The following DOCK3 variants were observed in gnomAD, a reference collection of about 807,000 sequenced individuals.
DOCK3 encodes dedicator of cytokinesis 3.
A neutral mutation model predicts 265.6 loss-of-function variants in DOCK3; 60 were observed. The observed-to-expected ratio is 0.23, with a 90% CI of 0.18 to 0.28. The LOEUF (loss-of-function observed/expected upper bound fraction) is 0.28. Among genes scored for constraint, DOCK3 ranks in the 10% least tolerant of loss-of-function variants. The pLI is 1.00. For synonymous variants in DOCK3, 881 were observed against 938.0 expected, an observed-to-expected ratio of 0.94 and a Z score of 1.11; for missense variants, 1,981 against 2,594.3, an observed-to-expected ratio of 0.76 and a Z score of 5.14.
At chr3:50,872,211 G>A (rs781405686) in intron 3 of DOCK3, among the ~76,000 whole-genome samples, 1 of 152,200 alleles carries the variant, frequency 6.6e-6, no homozygotes, top group Admixed American at 6.5e-5. Flanking sequence ...TATTCAGAGG[G>A]ACTTGGATGT....
chr3:51,326,615 T>C (rs2084142139), intron 32 of DOCK3, among the ~76,000 whole-genome samples: 1 of 150,012 alleles, frequency 6.7e-6, no homozygotes, highest in Non-Finnish European at 1.5e-5. Flanking sequence ...TTGTTGTTGT[T>C]GTTGTTGTTG....
chr3:50,761,536 A>G (rs2040529875), intron 1 of DOCK3, among the ~76,000 whole-genome samples: 1 of 152,010 alleles, frequency 6.6e-6, no homozygotes, highest in African/African-American at 2.4e-5. Context: ...CCTAGATTCC[A>G]CCTTTGGTGT....
intron 5 of DOCK3, among the ~76,000 whole-genome samples, chr3:51,060,117 C>T (rs2081358376): frequency 6.6e-6 from 1 of 151,802 alleles, no homozygotes; most frequent in Admixed American, 6.6e-5. Flanking sequence ...TGAACCTGCA[C>T]ATTGTGCACA....
At chr3:50,943,362 T>C (rs1211427749) in intron 5 of DOCK3, among the ~76,000 whole-genome samples, 4 of 152,094 alleles carry the variant, frequency 2.6e-5, no homozygotes. Context: ...TATGGTCCAA[T>C]TAAGACATTG....
intron 12 of DOCK3, among the ~76,000 whole-genome samples, chr3:51,165,079 C>T (rs1252368335): frequency 6.6e-6 from 1 of 151,594 alleles, no homozygotes; most frequent in Non-Finnish European, 1.5e-5. Context: ...GCTGGGACTA[C>T]AGGCACTCGC....
intron 3 of DOCK3, among the ~76,000 whole-genome samples, chr3:50,858,454 A>T (rs796745886): frequency 3.0e-3 from 405 of 133,888 alleles, no homozygotes; most frequent in Middle Eastern, 0.011. Flanking sequence ...ATAATAATAA[A>T]AATAAAATGT....
chr3:50,790,832 A>G (rs1461220400), intron 2 of DOCK3, among the ~76,000 whole-genome samples: 1 of 152,122 alleles, frequency 6.6e-6, no homozygotes, highest in Non-Finnish European at 1.5e-5. Flanking sequence ...GTGAGATGGT[A>G]TCTCATTGTG....
intron 5 of DOCK3, among the ~76,000 whole-genome samples, chr3:51,037,786 G>A (rs1456713665): frequency 6.6e-6 from 1 of 152,104 alleles, no homozygotes; most frequent in African/African-American, 2.4e-5. Context: ...ATCAGAAATA[G>A]ATTTCTGTTG....
chr3:51,263,983 C>A (rs1273175764), intron 23 of DOCK3, among the ~76,000 whole-genome samples: 1 of 151,972 alleles, frequency 6.6e-6, no homozygotes, highest in Non-Finnish European at 1.5e-5. Flanking sequence ...CTTTAACATC[C>A]CACTCTCAGT....
intron 12 of DOCK3, among the ~76,000 whole-genome samples, chr3:51,162,363 A>G (rs1265788249): frequency 4.6e-5 from 7 of 152,188 alleles, no homozygotes; most frequent in Admixed American, 1.3e-4. Flanking sequence ...TGTTCCTTTC[A>G]GAGTTGTATA....
At chr3:51,273,953 A>G (rs2080661021) in intron 24 of DOCK3, among the ~76,000 whole-genome samples, 1 of 152,212 alleles carries the variant, frequency 6.6e-6, no homozygotes, top group African/African-American at 2.4e-5. Context: ...AAGTAAATGT[A>G]TTATAGAAGA....
intron 10 of DOCK3, among the ~76,000 whole-genome samples, chr3:51,153,483 C>G (rs2085708151): frequency 6.6e-6 from 1 of 152,220 alleles, no homozygotes; most frequent in South Asian, 2.1e-4. Flanking sequence ...ATGCCCCACA[C>G]TGCTTCGGCT....
chr3:51,044,224 A>G (rs1175047266), intron 5 of DOCK3, among the ~76,000 whole-genome samples: 1 of 152,206 alleles, frequency 6.6e-6, no homozygotes, highest in Non-Finnish European at 1.5e-5. Context: ...TGGTGCATAT[A>G]TACCGTGGAA....
In DOCK3 at chr3:51,341,335, C is replaced by T. The variant is rs747448962; in HGVS notation, c.3865C>T (p.Arg1289Trp). The change falls in exon 38 of 53, where the codon CGG (arginine) becomes TGG (tryptophan). Residue 1289 changes from arginine (R) to tryptophan (W), a missense_variant. By Grantham distance (101) the Arg-to-Trp change is moderately radical. This residue lies in a region of DOCK3 where 1,357 missense variants were observed against 1,866.8 expected (regional missense o/e 0.73). Coordinates refer to ENST00000266037, the MANE Select transcript of DOCK3 (RefSeq NM_004947.5). ...CTACCCATCGCAGACAGAGTGGCAG[C>T]GGAAGGAGGGACTGTGCCGGAAGAT... ...LHYPSQTEWQRKEGLCRKIIH... is the reference protein window; with the variant it reads ...LHYPSQTEWQWKEGLCRKIIH... The T allele has an allele frequency of 1.9e-6, 3 of 1,613,324 alleles. No individual in the cohort carries two copies. Among genetic ancestry groups the T allele is most frequent in the Non-Finnish European group, 1.7e-6 (2 of 1,179,706 alleles).
chr3:51,169,740 A>C (rs945240060), intron 12 of DOCK3, among the ~76,000 whole-genome samples: 2 of 152,016 alleles, frequency 1.3e-5, no homozygotes, highest in African/African-American at 4.8e-5. Flanking sequence ...ACCTAAAATA[A>C]AAGTTAAAAA....
At chr3:50,945,658 C>T (rs1051873477) in intron 5 of DOCK3, among the ~76,000 whole-genome samples, 4 of 151,994 alleles carry the variant, frequency 2.6e-5, no homozygotes, top group African/African-American at 9.7e-5. Context: ...ACAGAATATG[C>T]AAAATTCCAT....
Position 51,360,647 on chromosome 3 carries a change from C to T in DOCK3, c.5006+15C>T, listed in dbSNP as rs779351056. The T allele has an allele frequency of 1.5e-5, 25 of 1,613,552 alleles. No homozygotes were observed. The highest frequency in any genetic ancestry group is 1.9e-5 in the Non-Finnish European group (23 of 1,179,786). On this transcript the variant is annotated intron_variant, in intron 47 of 52. Transcript: ENST00000266037. ...CACCGGCACAGGTATGGCCTTAGGGCTGGGGAGGGTTCCCTCTGGAGAGGT... is the reference window on the plus strand; with the variant it reads ...CACCGGCACAGGTATGGCCTTAGGGTTGGGGAGGGTTCCCTCTGGAGAGGT...
chr3:50,911,641 A>G (rs1429899319), intron 4 of DOCK3, among the ~76,000 whole-genome samples: 5 of 151,978 alleles, frequency 3.3e-5, no homozygotes, highest in African/African-American at 1.2e-4. Flanking sequence ...TACTTGGAAA[A>G]TTTTGTAGTA....
chr3:50,883,350 T>G (rs995574168), intron 3 of DOCK3, among the ~76,000 whole-genome samples: 2 of 152,114 alleles, frequency 1.3e-5, no homozygotes, highest in African/African-American at 4.8e-5. Flanking sequence ...AAAAAAAATG[T>G]TTGCTTCAAC....
Sources: gnomAD v4.1 joint callset for allele counts (sites outside exome capture counted in the v4.1 genomes callset) on GRCh38, gnomAD v4.1.1 for gene constraint, gnomAD v4.1.1 regional missense constraint, MANE v1.5 for transcripts, NCBI Gene and HGNC (gene_info 2026-07-23, HGNC 2026-07-21) for gene names.